RIPK1: variants seen among roughly 807,000 people sequenced by gnomAD.
RIPK1 encodes the protein receptor interacting serine/threonine kinase 1.
A neutral mutation model predicts 62.4 loss-of-function variants in RIPK1; 27 were observed. That is an observed-to-expected ratio of 0.43 (90% CI 0.32 to 0.60). The LOEUF is 0.60. Among genes scored for constraint, RIPK1 ranks in the 20% least tolerant of loss-of-function variants. The pLI is 0.07. For synonymous variants in RIPK1, 287 were observed against 303.2 expected (o/e 0.95, Z 0.55); for missense variants, 735 against 831.0 (o/e 0.88, Z 1.42).
chr6:3,113,319 AT>A lies in RIPK1; in HGVS notation c.1999del (p.Tyr667ThrfsTer22), dbSNP rs757521788. ...CAGGATCGACCTTCTGAGCAGCTTG[AT>A]TTACGTCAGCCAGAACTAACCCTGG... is the stretch of plus-strand genomic sequence containing the variant. ...CSRIDLLSSL[I>X]YVSQN On this transcript the variant is annotated frameshift_variant, in exon 11 of 11. Coordinates refer to ENST00000259808, the MANE Select transcript of RIPK1 (RefSeq NM_001354930.2). LOFTEE classifies it high-confidence loss of function. The surrounding 1 kb of genome is among the most constrained non-coding windows in gnomAD (Gnocchi z 5.0). 6.2e-7 allele frequency: 1 copy of A among 1,613,900 alleles called. No homozygotes were observed. The highest frequency in any genetic ancestry group is 1.1e-5 in the South Asian group (1 of 91,076).
chr6:3,077,667 G>A (rs1014671153), intron 2 of RIPK1, 112 bp from the exon 3 acceptor site: 14 of 1,216,940 alleles, frequency 1.2e-5, no homozygotes, highest in Non-Finnish European at 1.6e-5. Flanking sequence ...GAAGAGATCG[G>A]TACAGACCCA....
rs759705942 is a variant in RIPK1 at position 3,110,789 on chromosome 6, TTCTCTC to T, written c.1577-12_1577-7del. ...GATCTAGAATTACTTACCTGTGTGT[TTCTCTC>T]TATGCAGATGAATCTATAAAATATA... On this transcript the variant is annotated splice_region_variant and splice_polypyrimidine_tract_variant and intron_variant, in intron 9 of 10. Transcript: ENST00000259808. 5 of 1,524,508 alleles carry T rather than the reference TTCTCTC, an allele frequency of 3.3e-6. No homozygotes were observed. The African/African-American group carries it at 6.9e-5, about 21-fold the overall frequency. The allele number at this position is 1,524,508 out of a possible 1,614,324, so 94.4% of individuals were successfully genotyped here. A position where few individuals can be genotyped will look rare whatever the true frequency, so the allele number is the denominator to read the frequency against.
At chr6:3,094,186 C>T (rs1760158337) in intron 7 of RIPK1, among the ~76,000 whole-genome samples, 1 of 139,270 alleles carries the variant, frequency 7.2e-6, no homozygotes, top group Non-Finnish European at 1.5e-5. Context: ...CTACCTGCTG[C>T]ACCTAGTAAC....
chr6:3,081,248 C>T (rs1047187039), intron 4 of RIPK1, 132 bp downstream of exon 4: 30 of 999,410 alleles, frequency 3.0e-5, no homozygotes, highest in Non-Finnish European at 3.3e-5. Flanking sequence ...ATGATGGTGC[C>T]GAAAGGCTCT....
chr6:3,094,049 C>T (rs557752075), intron 7 of RIPK1, among the ~76,000 whole-genome samples: 3,249 of 116,820 alleles, frequency 0.028, 491 homozygotes, highest in African/African-American at 0.2. Flanking sequence ...AACTGCAGCG[C>T]GCCTACCTGC....
chr6:3,106,295 G>A (rs893542007), intron 9 of RIPK1, among the ~76,000 whole-genome samples: 1 of 152,136 alleles, frequency 6.6e-6, no homozygotes, highest in African/African-American at 2.4e-5. Context: ...GTGACTGGCA[G>A]GCATCTTTGA....
intron 3 of RIPK1, among the ~76,000 whole-genome samples, chr6:3,079,844 C>G (rs1759283567): frequency 6.6e-6 from 1 of 152,224 alleles, no homozygotes; most frequent in Non-Finnish European, 1.5e-5. Context: ...TCTTTGGTCT[C>G]CCATCCAAGT....
Position 3,085,451 on chromosome 6 carries a change from G to T in RIPK1, c.838+43G>T, listed in dbSNP as rs750134742. 1.3e-5 allele frequency: 21 copies of T among 1,597,344 alleles called. No individual in the cohort carries two copies. In the South Asian group the frequency reaches 2.3e-4, roughly 18 times the overall value. ...GACTGTGTAGGATGCATCCTGTGTG[G>T]TGATTTTCCTAGTAACATATTGTTA... On this transcript the variant is annotated intron_variant, in intron 6 of 10. Transcript: ENST00000259808.
Position 3,105,412 on chromosome 6 carries a change from G to A in RIPK1, c.1007-70G>A, listed in dbSNP as rs1002991280. ...TTACTTTGAGATACAGATTCATGAC[G>A]GCGCTCAGATTTTATTTTACTTTTT... On this transcript the variant is annotated intron_variant, in intron 8 of 10. Transcript: ENST00000259808. The surrounding 1 kb of genome is among the most constrained non-coding windows in gnomAD (Gnocchi z 4.5). 1.8e-5 allele frequency: 22 copies of A among 1,209,914 alleles called. No homozygotes were observed. The highest frequency in any genetic ancestry group is 2.0e-4 in the Middle Eastern group (1 of 4,926). 74.9% of individuals were successfully genotyped at this position (1,209,914 alleles called of 1,614,324 possible). A position where few individuals can be genotyped will look rare whatever the true frequency, so the allele number is the denominator to read the frequency against.
chr6:3,086,254 T>C (rs1315520106), intron 6 of RIPK1, among the ~76,000 whole-genome samples: 1 of 152,248 alleles, frequency 6.6e-6, no homozygotes. Context: ...CTGTAAATAT[T>C]CGTGGACATG....
intron 9 of RIPK1, among the ~76,000 whole-genome samples, chr6:3,110,287 C>T (rs1458094089): frequency 6.7e-6 from 1 of 148,222 alleles, no homozygotes; most frequent in Non-Finnish European, 1.5e-5. Context: ...GCTCACTCTG[C>T]AAGCTCCGCC....
intron 6 of RIPK1, among the ~76,000 whole-genome samples, chr6:3,088,294 C>A (rs17513390): frequency 1.9e-3 from 297 of 152,310 alleles, no homozygotes; most frequent in African/African-American, 6.8e-3. Flanking sequence ...CACTGCTGAT[C>A]AGGGGTGGGA....
chr6:3,068,819 C>T (rs1369289594), intron 1 of RIPK1, 158 bp downstream of exon 1: 1 of 281,158 alleles, frequency 3.6e-6, no homozygotes, highest in East Asian at 1.7e-4. Context: ...CGCTTCTTCC[C>T]TCACCCGGGC....
rs1317886700 is a variant in RIPK1, at chr6:3,105,415, G to T, written c.1007-67G>T. 5 of 1,237,322 alleles carry T rather than the reference G, an allele frequency of 4.0e-6. No individual in the cohort carries two copies. Among genetic ancestry groups the T allele is most frequent in the Non-Finnish European group, 5.7e-6 (5 of 883,802 alleles). 76.6% of individuals were successfully genotyped at this position (1,237,322 alleles called of 1,614,324 possible). ...CTTTGAGATACAGATTCATGACGGC[G>T]CTCAGATTTTATTTTACTTTTTAAT... On this transcript the variant is annotated intron_variant, in intron 8 of 10. Transcript: ENST00000259808. The surrounding 1 kb of genome is among the most constrained non-coding windows in gnomAD (Gnocchi z 4.5).
At chr6:3,068,200 G>A (rs1239252233), upstream of RIPK1, 2 of 985,202 alleles carry the variant, frequency 2.0e-6, no homozygotes, top group African/African-American at 1.7e-5. Flanking sequence ...GTAGAGGAAT[G>A]CTAACTTGCC....
rs983202349 is a variant in RIPK1 at position 3,088,640 on chromosome 6, G to A, written c.839-941G>A. 2.0e-5 allele frequency: 3 copies of A among 152,654 alleles called. No individual in the cohort carries two copies. In the South Asian group the frequency reaches 6.2e-4, roughly 32 times the overall value. The allele number at this position is 152,654 out of a possible 1,614,324, so 9.5% of individuals were successfully genotyped here. A position where few individuals can be genotyped will look rare whatever the true frequency, so the allele number is the denominator to read the frequency against. On this transcript the variant is annotated intron_variant, in intron 6 of 10. Transcript: ENST00000259808. ...TGTTGAGGCTCTCCACTTGGCCTTAGCTGCTGTGGGTGGGGTTGGAGCCAC... is the reference window on the plus strand; with the variant it reads ...TGTTGAGGCTCTCCACTTGGCCTTAACTGCTGTGGGTGGGGTTGGAGCCAC...
upstream of RIPK1, chr6:3,068,087 A>G (rs1211845870): frequency 2.7e-6 from 1 of 366,166 alleles, no homozygotes; most frequent in East Asian, 1.6e-4. Flanking sequence ...ATATACATGA[A>G]TAGCATGCAG....
intron 1 of RIPK1, among the ~76,000 whole-genome samples, chr6:3,071,536 C>G (rs549846318): frequency 1.6e-3 from 251 of 152,210 alleles, no homozygotes; most frequent in Non-Finnish European, 3.0e-3. Context: ...TGCAGTATGG[C>G]CATATAAGCT....
chr6:3,088,118 T>C (rs945489986), intron 6 of RIPK1, among the ~76,000 whole-genome samples: 1 of 152,236 alleles, frequency 6.6e-6, no homozygotes, highest in Non-Finnish European at 1.5e-5. Context: ...TTTCTTCCTA[T>C]GTTTGGAGAT....
Sources: gnomAD v4.1 joint callset for allele counts (sites outside exome capture counted in the v4.1 genomes callset) on GRCh38, gnomAD v4.1.1 for gene constraint, Gnocchi (gnomAD v3.1) non-coding constraint, MANE v1.5 for transcripts, NCBI Gene and HGNC (gene_info 2026-07-23, HGNC 2026-07-21) for gene names.